Variants in RNF144A observed in about 807,000 individuals in gnomAD.
RNF144A encodes the protein E3 ubiquitin-protein ligase RNF144A.
A neutral mutation model predicts 38.7 loss-of-function variants in RNF144A; 11 were observed. The observed-to-expected ratio is 0.28, with a 90% CI of 0.18 to 0.47. The LOEUF (loss-of-function observed/expected upper bound fraction) is 0.47, where lower values mean the gene tolerates loss of function less well. Ranked by LOEUF, RNF144A falls within the 20% of genes least tolerant of loss-of-function variation. The probability of loss-of-function intolerance (pLI) is 0.99; values close to 1 mark genes in which losing one functional copy is unlikely to be tolerated. For missense variants in RNF144A, 316 were observed against 377.2 expected (o/e 0.84, Z 1.34); for synonymous variants, 149 against 143.9 (o/e 1.04, Z -0.25).
intron 2 of RNF144A, among the ~76,000 whole-genome samples, chr2:6,977,053 A>T (rs899919014): frequency 4.6e-5 from 7 of 152,284 alleles, no homozygotes; most frequent in African/African-American, 1.7e-4. Context: ...GATTAAAAAA[A>T]TTTAAGTTCC....
At chr2:6,977,223 T>C (rs1668369210) in intron 2 of RNF144A, among the ~76,000 whole-genome samples, 1 of 152,256 alleles carries the variant, frequency 6.6e-6, no homozygotes, top group Non-Finnish European at 1.5e-5. Context: ...GTTCTCCACA[T>C]GAGTAAAGCA....
rs780739999 is a variant in RNF144A, at chr2:6,943,045, C to T, written c.-12+1898C>T. 2.0e-5 allele frequency among the ~76,000 whole-genome samples: 3 copies of T among 152,120 alleles called. No individual in the cohort carries two copies. Among genetic ancestry groups the T allele is most frequent in the Non-Finnish European group, 4.4e-5 (3 of 68,010 alleles). ...TTGCTGAGTGTGAGAAGATTATAAGCCACCCACATGGAGACACCGAGTGGG... is the reference window on the plus strand; with the variant it reads ...TTGCTGAGTGTGAGAAGATTATAAGTCACCCACATGGAGACACCGAGTGGG... On this transcript the variant is annotated intron_variant, in intron 2 of 8. Transcript: ENST00000320892. This position sits in a 1 kb window ranked among gnomAD's most constrained non-coding sequence, Gnocchi z 4.3.
In RNF144A at chr2:6,961,101, A is replaced by G. The variant is rs187766934; in HGVS notation, c.-12+19954A>G. Among the ~76,000 whole-genome samples the G allele has an allele frequency of 3.7e-3, 561 of 151,612 alleles. 11 individuals carry two copies. The highest frequency in any genetic ancestry group is 0.025 in the Admixed American group (387 of 15,238). ...GGTTTTTTTTTTCTGTATGGCTTTT[A>G]GTGTAATTTCTCTTTAAAACATAAT... On this transcript the variant is annotated intron_variant, in intron 2 of 8. Transcript: ENST00000320892.
Position 7,040,252 on chromosome 2 carries a change from AT to A in RNF144A, c.*500del, listed in dbSNP as rs550165271. 7 of 985,256 alleles carry A rather than the reference AT, an allele frequency of 7.1e-6. No individual in the cohort carries two copies. Among genetic ancestry groups the A allele is most frequent in the African/African-American group, 1.7e-5 (1 of 57,292 alleles). 61.0% of individuals were successfully genotyped at this position (985,256 alleles called of 1,614,324 possible). ...TTTAGTAAAATCCTTTTTAGAAGGT[AT>A]TTTTTTTCCAACTGAGTAGTGAAAA... On this transcript the variant is annotated 3_prime_UTR_variant, in exon 9 of 9. Transcript: ENST00000320892.
intron 1 of RNF144A, chr2:6,918,454 C>T (rs1393919961): frequency 6.6e-6 from 1 of 152,266 alleles, no homozygotes; most frequent in Admixed American, 6.5e-5. Context: ...AGTTCGTGGT[C>T]TTTTTTCTAG....
chr2:7,054,596 A>T (rs1212287241), intron 6 of RNF144A, among the ~76,000 whole-genome samples: 2 of 152,276 alleles, frequency 1.3e-5, no homozygotes, highest in African/African-American at 4.8e-5. Flanking sequence ...TGTTTCCCCC[A>T]AATTTATATG....
At chr2:7,045,981 T>C (rs1179842301), downstream of RNF144A, among the ~76,000 whole-genome samples, 4 of 152,220 alleles carry the variant, frequency 2.6e-5, no homozygotes, top group African/African-American at 7.2e-5. Flanking sequence ...TAGGTACATA[T>C]ATTTGTTTCT....
chr2:6,938,832 T>C (rs2103293355), intron 1 of RNF144A, among the ~76,000 whole-genome samples: 1 of 152,316 alleles, frequency 6.6e-6, no homozygotes, highest in Admixed American at 6.5e-5. Context: ...TCATATAATA[T>C]ATGTCCTTTT....
chr2:6,964,755 G>A (rs568829855), intron 2 of RNF144A, among the ~76,000 whole-genome samples: 1 of 151,652 alleles, frequency 6.6e-6, no homozygotes, highest in East Asian at 1.9e-4. Context: ...TCACTCATAG[G>A]TGGGAATTGA....
At position 7,040,060 on chromosome 2, in the gene RNF144A, G is replaced by A. The variant is rs1038610990; in HGVS notation, c.*300G>A. The A allele has an allele frequency of 2.8e-5, 31 of 1,106,920 alleles. No individual in the cohort carries two copies. The highest frequency in any genetic ancestry group is 4.9e-5 in the African/African-American group (3 of 60,720). The allele number at this position is 1,106,920 out of a possible 1,614,324, so 68.6% of individuals were successfully genotyped here. On this transcript the variant is annotated 3_prime_UTR_variant, in exon 9 of 9. Transcript: ENST00000320892. ...GCAGCTTTCTCTCTGTGGTAGACTAGGCATGTCTGGGGATGGCCTAAGAGA... is the reference window on the plus strand; with the variant it reads ...GCAGCTTTCTCTCTGTGGTAGACTAAGCATGTCTGGGGATGGCCTAAGAGA...
intron 1 of RNF144A, among the ~76,000 whole-genome samples, chr2:6,921,068 GGTTT>G (rs1194716542): frequency 3.3e-5 from 5 of 152,170 alleles, no homozygotes; most frequent in Non-Finnish European, 7.3e-5. Context: ...CATTCGTAAG[GGTTT>G]GTTTGTTTCC....
At chr2:6,985,444 A>C (rs559685761) in intron 2 of RNF144A, among the ~76,000 whole-genome samples, 1 of 152,144 alleles carries the variant, frequency 6.6e-6, no homozygotes, top group East Asian at 1.9e-4. Context: ...TAGGAACCTA[A>C]TTCTGGTTTG....
chr2:6,942,743 G>A (rs928998094), intron 2 of RNF144A, among the ~76,000 whole-genome samples: 1 of 152,198 alleles, frequency 6.6e-6, no homozygotes. Context: ...CAGCACTTTG[G>A]GAGGCCAAGA....
At chr2:7,047,847 C>T (rs906601403), downstream of RNF144A, among the ~76,000 whole-genome samples, 2 of 152,180 alleles carry the variant, frequency 1.3e-5, no homozygotes, top group African/African-American at 4.8e-5. Context: ...ATCTTCATAT[C>T]ACTGGGGCTT....
chr2:7,042,713 A>T lies in RNF144A; in HGVS notation c.*2953A>T. The T allele has an allele frequency of 2.0e-6, 2 of 985,522 alleles. No individual in the cohort carries two copies. The highest frequency in any genetic ancestry group is 2.4e-6 in the Non-Finnish European group (2 of 829,964). The allele number at this position is 985,522 out of a possible 1,614,324, so 61.0% of individuals were successfully genotyped here. ...GGAGGTCAGCACCTTGCAAAGATGC[A>T]GTCACCATAGATGTCCACGTAGCAG... On this transcript the variant is annotated 3_prime_UTR_variant, in exon 9 of 9. Transcript: ENST00000320892.
At chr2:6,918,693 G>A (rs1161898017) in intron 1 of RNF144A, 2 of 143,988 alleles carry the variant, frequency 1.4e-5, no homozygotes, top group East Asian at 4.0e-4. Flanking sequence ...GAACCCGGAA[G>A]GCGGAGCTTG....
chr2:7,013,402 G>A (rs1029331812), intron 3 of RNF144A, among the ~76,000 whole-genome samples: 10 of 152,126 alleles, frequency 6.6e-5, no homozygotes, highest in Admixed American at 3.9e-4. Context: ...ACGTTTTTGC[G>A]GGGAGATGTC....
At chr2:7,002,657 A>G (rs1174306752) in intron 3 of RNF144A, among the ~76,000 whole-genome samples, 5 of 152,184 alleles carry the variant, frequency 3.3e-5, no homozygotes, top group Non-Finnish European at 5.9e-5. Context: ...ATGATAGACC[A>G]TATATATAAT....
intron 6 of RNF144A, among the ~76,000 whole-genome samples, chr2:7,061,019 T>G (rs1286074378): frequency 6.6e-6 from 1 of 152,196 alleles, no homozygotes; most frequent in Non-Finnish European, 1.5e-5. Context: ...GGATGGAACC[T>G]ATGGAATCAA....
Sources: allele counts gnomAD v4.1 joint callset (sites outside exome capture counted in the v4.1 genomes callset), GRCh38; gene constraint gnomAD v4.1.1; non-coding constraint Gnocchi (gnomAD v3.1); transcripts MANE v1.5; gene names NCBI Gene and HGNC (gene_info 2026-07-23, HGNC 2026-07-21).